Variants in NCOA1 observed in about 807,000 individuals in gnomAD.
The protein encoded by NCOA1 is Hin-2 protein.
A neutral mutation model predicts 150.9 loss-of-function variants in NCOA1; 35 were observed. That is an observed-to-expected ratio of 0.23 (90% CI 0.18 to 0.31). The LOEUF (loss-of-function observed/expected upper bound fraction) is 0.31. Among genes scored for constraint, NCOA1 ranks in the 10% least tolerant of loss-of-function variants. NCOA1 has a pLI of 1.00. For missense variants in NCOA1, 1,491 were observed against 1,749.3 expected, an observed-to-expected ratio of 0.85 and a Z score of 2.63; for synonymous variants, 590 against 630.0, an observed-to-expected ratio of 0.94 and a Z score of 0.95.
At chr2:24,559,470 T>C (rs1211370835) in intron 1 of NCOA1, among the ~76,000 whole-genome samples, 2 of 152,222 alleles carry the variant, frequency 1.3e-5, no homozygotes, top group Non-Finnish European at 2.9e-5. Context: ...CTCCTTATGT[T>C]GTTGCCCCTT....
intron 14 of NCOA1, among the ~76,000 whole-genome samples, chr2:24,716,335 G>A (rs978205325): frequency 2.0e-5 from 3 of 151,762 alleles, no homozygotes; most frequent in African/African-American, 7.3e-5. Flanking sequence ...AAGATGGTGT[G>A]GTTTTGGAAT....
At chr2:24,508,484 A>G (rs1349285897) in intron 1 of NCOA1, among the ~76,000 whole-genome samples, 1 of 152,062 alleles carries the variant, frequency 6.6e-6, no homozygotes, top group Non-Finnish European at 1.5e-5. Context: ...TATTCTGGTT[A>G]TGTCATTAGC....
chr2:24,537,157 G>A (rs1665184624), intron 1 of NCOA1, among the ~76,000 whole-genome samples: 1 of 151,800 alleles, frequency 6.6e-6, no homozygotes, highest in Admixed American at 6.6e-5. Flanking sequence ...CATGTTCATT[G>A]TAGCATTAGT....
intron 8 of NCOA1, among the ~76,000 whole-genome samples, chr2:24,688,842 T>C (rs886352148): frequency 3.9e-5 from 6 of 152,238 alleles, no homozygotes; most frequent in Admixed American, 2.6e-4. Flanking sequence ...CAGAGTGGTA[T>C]TGCCTAAGTT....
intron 11 of NCOA1, among the ~76,000 whole-genome samples, chr2:24,699,738 A>G (rs1673065440): frequency 6.6e-6 from 1 of 152,226 alleles, no homozygotes; most frequent in South Asian, 2.1e-4. Flanking sequence ...GCCAGATATG[A>G]GAAATGTGGT....
At chr2:24,533,933 G>A (rs1287616300) in intron 1 of NCOA1, among the ~76,000 whole-genome samples, 1 of 152,162 alleles carries the variant, frequency 6.6e-6, no homozygotes, top group Non-Finnish European at 1.5e-5. Flanking sequence ...CCAGGCTTTG[G>A]TATCAGGATG....
intron 3 of NCOA1, among the ~76,000 whole-genome samples, chr2:24,635,018 C>G (rs1669878427): frequency 6.6e-6 from 1 of 152,024 alleles, no homozygotes; most frequent in African/African-American, 2.4e-5. Flanking sequence ...TATACCTGCC[C>G]TAGAAAACAC....
intron 1 of NCOA1, among the ~76,000 whole-genome samples, chr2:24,541,888 T>C (rs995620832): frequency 6.6e-6 from 1 of 152,190 alleles, no homozygotes; most frequent in African/African-American, 2.4e-5. Context: ...CTTTAAAAAT[T>C]TAAATTCATA....
Position 24,707,494 on chromosome 2 carries a change from C to G in NCOA1, c.2024C>G (p.Ser675Cys). 1.2e-6 allele frequency: 2 copies of G among 1,614,216 alleles called. No individual in the cohort carries two copies. The highest frequency in any genetic ancestry group is 1.7e-6 in the Non-Finnish European group (2 of 1,180,032). ...GCCTCTGCTAACTCTTCAGGAGGTTCTTGTCCCTCTTCTCATAGCTCATTG... is the reference window on the plus strand; with the variant it reads ...GCCTCTGCTAACTCTTCAGGAGGTTGTTGTCCCTCTTCTCATAGCTCATTG... ...NSASANSSGG[S>C]CPSSHSSLTE... The change falls in exon 13 of 23, where the codon TCT becomes TGT. Residue 675 changes from serine (S) to cysteine (C), a missense_variant. By Grantham distance (112) the Ser-to-Cys change is moderately radical. Around this residue, in one of 8 missense-constraint regions of NCOA1, gnomAD observed 703 missense variants for 717.7 expected, o/e 0.98. Transcript: ENST00000348332.
At position 24,768,545 on chromosome 2, in the gene NCOA1, G is replaced by C. The variant is rs532816219; in HGVS notation, c.*154G>C. The C allele has an allele frequency of 6.4e-5, 35 of 549,620 alleles. No individual in the cohort carries two copies. The highest frequency in any genetic ancestry group is 6.3e-4 in the African/African-American group (30 of 47,912). The allele number at this position is 549,620 out of a possible 1,614,324, so 34.0% of individuals were successfully genotyped here. On this transcript the variant is annotated 3_prime_UTR_variant, in exon 23 of 23. Coordinates refer to ENST00000348332, the MANE Select transcript of NCOA1 (RefSeq NM_003743.5). Reference sequence around the variant, plus strand: ...AAAAAAAAAAAAAAAAAAAAAAGGAGTTTGCTTTTGTCGGGAGATTGAAAG... The same window carrying C: ...AAAAAAAAAAAAAAAAAAAAAAGGACTTTGCTTTTGTCGGGAGATTGAAAG...
rs543146900 is a variant in NCOA1, at chr2:24,761,449, T to C, written c.4066-1238T>C. 2.0e-3 allele frequency among the ~76,000 whole-genome samples: 311 copies of C among 152,358 alleles called. 2 individuals carry two copies. The highest frequency in any genetic ancestry group is 7.1e-3 in the African/African-American group (295 of 41,582). On this transcript the variant is annotated intron_variant, in intron 21 of 22. Coordinates refer to ENST00000348332, the MANE Select transcript of NCOA1 (RefSeq NM_003743.5). Reference sequence around the variant, plus strand: ...GCAGTTTTCATATCTAGCAGTCATATTTGGATCCTTTTTATATCTTCCATA... The same window carrying C: ...GCAGTTTTCATATCTAGCAGTCATACTTGGATCCTTTTTATATCTTCCATA...
chr2:24,545,363 G>C (rs967701418), intron 1 of NCOA1, among the ~76,000 whole-genome samples: 1 of 152,112 alleles, frequency 6.6e-6, no homozygotes, highest in Admixed American at 6.5e-5. Flanking sequence ...AACAATTTGA[G>C]CAATAAAATA....
At position 24,752,100 on chromosome 2, in the gene NCOA1, C is replaced by T. The variant is rs139571435; in HGVS notation, c.3825C>T (p.Ser1275=). ...SSLLQQTPPA[S]GYQSPDMKAW... ...TTCTCCAGCAAACTCCACCTGCCTCCGGGTATCAGTCACCAGACATGAAGG... is the reference window on the plus strand; with the variant it reads ...TTCTCCAGCAAACTCCACCTGCCTCTGGGTATCAGTCACCAGACATGAAGG... Residue 1275 remains serine (S), a synonymous_variant, in exon 20 of 23, where the codon TCC becomes TCT. Coordinates refer to ENST00000348332, the MANE Select transcript of NCOA1 (RefSeq NM_003743.5). 2.9e-5 allele frequency: 47 copies of T among 1,614,104 alleles called. No individual in the cohort carries two copies. Among genetic ancestry groups the T allele is most frequent in the African/African-American group, 2.0e-4 (15 of 75,022 alleles).
intron 3 of NCOA1, among the ~76,000 whole-genome samples, chr2:24,639,137 A>G (rs1028347626): frequency 2.6e-5 from 4 of 152,126 alleles, no homozygotes; most frequent in African/African-American, 2.4e-5. Flanking sequence ...TTTTCCTGAA[A>G]GTGTGTAAGA....
chr2:24,507,435 G>GTTTTT (rs10651704), intron 1 of NCOA1, among the ~76,000 whole-genome samples: 4 of 126,500 alleles, frequency 3.2e-5, no homozygotes, highest in Admixed American at 8.5e-5. Flanking sequence ...GAGCTGCTGG[G>GTTTTT]TTTTTTTTTT....
intron 1 of NCOA1, among the ~76,000 whole-genome samples, chr2:24,495,517 GTTTGGT>G (rs1325498825): frequency 6.6e-6 from 1 of 152,144 alleles, no homozygotes; most frequent in Non-Finnish European, 1.5e-5. Flanking sequence ...GGGCAGGGAT[GTTTGGT>G]TTTACTGAGT....
chr2:24,669,787 A>G (rs919219994), intron 6 of NCOA1, among the ~76,000 whole-genome samples: 3 of 152,232 alleles, frequency 2.0e-5, no homozygotes, highest in African/African-American at 7.2e-5. Flanking sequence ...GCCATTAGGG[A>G]AATGCAAACT....
At chr2:24,683,243 T>C (rs1255077716) in intron 8 of NCOA1, 115 bp downstream of exon 8, 1 of 614,706 alleles carries the variant, frequency 1.6e-6, no homozygotes, top group African/African-American at 1.9e-5. Flanking sequence ...TATGTTATAA[T>C]ATGTGTTTAA....
chr2:24,508,798 G>T (rs1663811962), intron 1 of NCOA1, among the ~76,000 whole-genome samples: 1 of 152,112 alleles, frequency 6.6e-6, no homozygotes, highest in African/African-American at 2.4e-5. Context: ...TTGGTGGGGG[G>T]AGGACAAGAC....
Sources: gnomAD v4.1 joint callset for allele counts (sites outside exome capture counted in the v4.1 genomes callset) on GRCh38, gnomAD v4.1.1 for gene constraint, gnomAD v4.1.1 regional missense constraint, MANE v1.5 for transcripts, NCBI Gene and HGNC (gene_info 2026-07-23, HGNC 2026-07-21) for gene names.